Variants in SLC35A5 observed in about 807,000 individuals in gnomAD.
The protein encoded by SLC35A5 is solute carrier family 35 member A5.
In SLC35A5, 28 loss-of-function variants were observed where a neutral mutation model predicts 36.3. The observed-to-expected ratio is 0.77, with a 90% CI of 0.57 to 1.06. The LOEUF is 1.06. Among genes scored for constraint, SLC35A5 ranks in the 50% least tolerant of loss-of-function variants. SLC35A5 has a pLI of 0.00. For synonymous variants in SLC35A5, 180 were observed against 173.7 expected, an observed-to-expected ratio of 1.04 and a Z score of -0.29; for missense variants, 521 against 499.3, an observed-to-expected ratio of 1.04 and a Z score of -0.41.
At chr3:112,561,567 G>A (rs754541563), upstream of SLC35A5, 3 of 1,594,682 alleles carry the variant, frequency 1.9e-6, no homozygotes, top group East Asian at 2.2e-5. Flanking sequence ...CGACGGGATG[G>A]AAAGTGCAGC....
chr3:112,563,275 T>C (rs1039277871), intron 1 of SLC35A5, 110 bp from the exon 2 acceptor site: 2 of 896,844 alleles, frequency 2.2e-6, no homozygotes, highest in Admixed American at 3.5e-5. Context: ...GGTGCTGATA[T>C]AGTCATAGCC....
Position 112,563,430 on chromosome 3 carries a change from T to C in SLC35A5, c.27T>C (p.Pro9=), listed in dbSNP as rs1233851128. 1.5e-5 allele frequency: 23 copies of C among 1,579,076 alleles called. No individual in the cohort carries two copies. Among genetic ancestry groups the C allele is most frequent in the Non-Finnish European group, 1.8e-5 (21 of 1,154,176 alleles). Residue 9 remains proline (P), a synonymous_variant, in exon 2 of 7, where the codon CCT becomes CCC. Coordinates refer to ENST00000492406, the MANE Select transcript of SLC35A5 (RefSeq NM_017945.5). The part of the protein sequence containing the change: MEKQCCSH[P]VICSLSTMYT... ...TGGAAAAACAGTGCTGTAGTCATCC[T>C]GTAATATGCTCCTTGTCAACAATGT... is the stretch of plus-strand genomic sequence containing the variant.
upstream of SLC35A5, chr3:112,561,374 G>T: frequency 7.0e-7 from 1 of 1,433,326 alleles, no homozygotes. Context: ...CCCCGCCGGA[G>T]AAAGCGGGGA....
intron 2 of SLC35A5, among the ~76,000 whole-genome samples, chr3:112,568,243 T>C (rs1467662315): frequency 6.6e-6 from 1 of 152,036 alleles, no homozygotes; most frequent in Admixed American, 6.6e-5. Context: ...CACAGGAGAG[T>C]GGAAGAAAGT....
Position 112,584,324 on chromosome 3 carries a change from TTATATC to T in SLC35A5, c.*1592_*1597del, listed in dbSNP as rs746141821. 1.6e-4 allele frequency: 24 copies of T among 152,166 alleles called. No individual in the cohort carries two copies. The highest frequency in any genetic ancestry group is 5.2e-4 in the Admixed American group (8 of 15,276). The allele number at this position is 152,166 out of a possible 1,614,324, so 9.4% of individuals were successfully genotyped here. ...TCATCAGTTATGTGAAATACGAAGATTATATCTATTATGGCGATTTATTTTAAAGGT... is the reference window on the plus strand; with the variant it reads ...TCATCAGTTATGTGAAATACGAAGATTATTATGGCGATTTATTTTAAAGGT... On this transcript the variant is annotated 3_prime_UTR_variant, in exon 7 of 7. Transcript: ENST00000492406.
intron 5 of SLC35A5, among the ~76,000 whole-genome samples, chr3:112,580,038 A>T (rs1326612491): frequency 6.6e-6 from 1 of 152,234 alleles, no homozygotes; most frequent in Non-Finnish European, 1.5e-5. Flanking sequence ...TAGGACATGG[A>T]TCTAGAGCTA....
chr3:112,573,227 T>C (rs1934525053), intron 4 of SLC35A5, among the ~76,000 whole-genome samples: 1 of 152,182 alleles, frequency 6.6e-6, no homozygotes, highest in African/African-American at 2.4e-5. Context: ...GATCTAATTA[T>C]GGGCAGCAAT....
intron 5 of SLC35A5, among the ~76,000 whole-genome samples, chr3:112,576,941 A>G (rs1005941591): frequency 2.0e-5 from 3 of 152,132 alleles, no homozygotes; most frequent in African/African-American, 7.2e-5. Context: ...TAGTTCTATC[A>G]CATATTCTTT....
At chr3:112,576,317 A>G (rs13088349) in intron 5 of SLC35A5, among the ~76,000 whole-genome samples, 10,234 of 152,144 alleles carry the variant, frequency 0.067, 432 homozygotes, top group Admixed American at 0.12. Flanking sequence ...TAGTAGAGAC[A>G]GGGTTTCACC....
rs1180344431 is a variant in SLC35A5, at chr3:112,570,682, T to TGAAAAA, written c.360+18_360+23dup. 6.5e-7 allele frequency: 1 copy of TGAAAAA among 1,540,426 alleles called. No homozygotes were observed. The highest frequency in any genetic ancestry group is 8.7e-7 in the Non-Finnish European group (1 of 1,151,082). ...CCTATCTTCAACCAGTAAGTAAATA[T>TGAAAAA]GAAAAAGAAAATACCATTGAAAAGA... On this transcript the variant is annotated intron_variant, in intron 4 of 6. Coordinates refer to ENST00000492406, the MANE Select transcript of SLC35A5 (RefSeq NM_017945.5).
chr3:112,561,855 T>A, upstream of SLC35A5: 1 of 351,666 alleles, frequency 2.8e-6, no homozygotes, highest in Non-Finnish European at 5.2e-6. Flanking sequence ...CCCCTCGCCC[T>A]CTGCGAGCTG....
intron 5 of SLC35A5, among the ~76,000 whole-genome samples, chr3:112,574,538 G>A (rs186404931): frequency 2.2e-4 from 34 of 152,188 alleles, no homozygotes; most frequent in African/African-American, 7.7e-4. Flanking sequence ...AGTAAATTAA[G>A]CTCTCTTCAA....
chr3:112,570,003 T>C (rs189173774), intron 3 of SLC35A5, among the ~76,000 whole-genome samples: 2 of 152,354 alleles, frequency 1.3e-5, no homozygotes, highest in Admixed American at 1.3e-4. Context: ...AATGCATTAT[T>C]TGCAGGGCCT....
rs1934706300 is a variant in SLC35A5 at position 112,577,063 on chromosome 3, TAG to T, written c.428+3109_428+3110del. 1.5e-4 allele frequency among the ~76,000 whole-genome samples: 3 copies of T among 19,498 alleles called. No individual in the cohort carries two copies. The Non-Finnish European group carries it at 5.8e-3, about 37-fold the overall frequency. 12.8% of individuals were successfully genotyped at this position (19,498 alleles called of 152,430 possible). On this transcript the variant is annotated intron_variant, in intron 5 of 6. Coordinates refer to ENST00000492406, the MANE Select transcript of SLC35A5 (RefSeq NM_017945.5). ...AAGAATACAAGGCTACAAAATAAAA[TAG>T]AATAATTTTTAAAAAAAATTTTTTA...
At chr3:112,580,371 A>G (rs1010015193) in intron 5 of SLC35A5, among the ~76,000 whole-genome samples, 175 bp from the exon 6 acceptor site, 1 of 152,326 alleles carries the variant, frequency 6.6e-6, no homozygotes, top group Middle Eastern at 3.4e-3. Context: ...GAATTAAAAC[A>G]TTAAATTTGA....
At chr3:112,578,802 A>G (rs1934769694) in intron 5 of SLC35A5, among the ~76,000 whole-genome samples, 1 of 152,108 alleles carries the variant, frequency 6.6e-6, no homozygotes, top group South Asian at 2.1e-4. Context: ...GGAACTATAG[A>G]TTATATCATT....
chr3:112,561,697 G>T, upstream of SLC35A5: 2 of 661,230 alleles, frequency 3.0e-6, no homozygotes, highest in Non-Finnish European at 4.9e-6. Flanking sequence ...ACGAGGGGGC[G>T]GGGCGGCAGG....
chr3:112,562,463 C>T (rs1288211040), intron 1 of SLC35A5, among the ~76,000 whole-genome samples, 190 bp downstream of exon 1: 1 of 152,208 alleles, frequency 6.6e-6, no homozygotes, highest in Non-Finnish European at 1.5e-5. Context: ...CATTTCTCCC[C>T]ACTCCCCGCA....
In SLC35A5 at chr3:112,574,802, A is replaced by G. The variant is rs181322965; in HGVS notation, c.428+846A>G. Among the ~76,000 whole-genome samples, 467 of 152,170 alleles carry G rather than the reference A, an allele frequency of 3.1e-3. 3 individuals are homozygous for G. Among genetic ancestry groups the G allele is most frequent in the African/African-American group, 0.01 (422 of 41,544 alleles). On this transcript the variant is annotated intron_variant, in intron 5 of 6. Transcript: ENST00000492406. The stretch of plus-strand genomic sequence containing the variant: ...AAAGATTTAATTTGTTGAGTCCATG[A>G]TATACTTAATATATAAATTATATAA...
Sources: gnomAD v4.1 joint callset for allele counts (sites outside exome capture counted in the v4.1 genomes callset) on GRCh38, gnomAD v4.1.1 for gene constraint, MANE v1.5 for transcripts, NCBI Gene and HGNC (gene_info 2026-07-23, HGNC 2026-07-21) for gene names.